Variants in S100A11 observed in about 807,000 individuals in gnomAD.
The protein encoded by S100A11 is S100 calcium binding protein A11.
S100A11 carries 5 observed loss-of-function variants against 7.4 expected under a neutral mutation model. That is an observed-to-expected ratio of 0.68 (90% CI 0.35 to 1.42). The LOEUF (loss-of-function observed/expected upper bound fraction) is 1.42. Among genes scored for constraint, S100A11 ranks in the 40% most tolerant of loss-of-function variants. The pLI is 0.04. For missense variants in S100A11, 96 were observed against 125.0 expected, an observed-to-expected ratio of 0.77 and a Z score of 1.11; for synonymous variants, 47 against 46.6, an observed-to-expected ratio of 1.01 and a Z score of -0.04.
chr1:152,035,666 C>A lies in S100A11; in HGVS notation c.3+1247G>T, dbSNP rs545540949. ...GATGGGTCCTGAGGACGCCCAGAAA[C>A]CGGAAAGCTCTGCCCAGGGTGGCGC... On this transcript the variant is annotated intron_variant, in intron 1 of 2. Coordinates refer to ENST00000271638, the MANE Select transcript of S100A11 (RefSeq NM_005620.2). Among the ~76,000 whole-genome samples the A allele has an allele frequency of 1.3e-4, 20 of 152,326 alleles. No individual in the cohort carries two copies. In the South Asian group the frequency reaches 4.1e-3, roughly 32 times the overall value.
intron 1 of S100A11, among the ~76,000 whole-genome samples, chr1:152,034,387 C>A (rs915225732): frequency 4.6e-5 from 7 of 152,192 alleles, no homozygotes; most frequent in African/African-American, 1.7e-4. Flanking sequence ...AACCATTAAT[C>A]TTAGATGTGA....
chr1:152,033,992 A>G lies in S100A11; in HGVS notation c.4-192T>C, dbSNP rs1326803873. 6.6e-6 allele frequency among the ~76,000 whole-genome samples: 1 copy of G among 152,252 alleles called. No individual in the cohort carries two copies. Among genetic ancestry groups the G allele is most frequent in the African/African-American group, 2.4e-5 (1 of 41,468 alleles). On this transcript the variant is annotated intron_variant, in intron 1 of 2. Coordinates refer to ENST00000271638, the MANE Select transcript of S100A11 (RefSeq NM_005620.2). The surrounding 1 kb of genome is among the most constrained non-coding windows in gnomAD (Gnocchi z 4.0). ...GTGACCTTCCGTCCTACCCCTCGCCACATGTTTATTCCAGGTGAAATATAT... is the reference window on the plus strand; with the variant it reads ...GTGACCTTCCGTCCTACCCCTCGCCGCATGTTTATTCCAGGTGAAATATAT...
chr1:152,036,886 A>G, intron 1 of S100A11, 27 bp downstream of exon 1: 1 of 1,589,144 alleles, frequency 6.3e-7, no homozygotes, highest in African/African-American at 1.3e-5. Flanking sequence ...TTCATGTAAG[A>G]AGAAGAAGAA....
At chr1:152,036,801 C>G in intron 1 of S100A11, 112 bp downstream of exon 1, 1 of 961,020 alleles carries the variant, frequency 1.0e-6, no homozygotes, top group Non-Finnish European at 1.6e-6. Context: ...CCTGCTGTTT[C>G]CTGCCACGTC....
At chr1:152,036,061 AG>A (rs1352225134) in intron 1 of S100A11, among the ~76,000 whole-genome samples, 4 of 152,206 alleles carry the variant, frequency 2.6e-5, no homozygotes, top group Non-Finnish European at 4.4e-5. Flanking sequence ...CATGTCAGAA[AG>A]TATTTTTCTT....
At chr1:152,035,798 A>G (rs1215596414) in intron 1 of S100A11, among the ~76,000 whole-genome samples, 1 of 152,222 alleles carries the variant, frequency 6.6e-6, no homozygotes, top group African/African-American at 2.4e-5. Context: ...TGATAAACGG[A>G]TACTGTGAAA....
At position 152,033,808 on chromosome 1, in the gene S100A11, GA is replaced by G. The variant is rs751852653; in HGVS notation, c.4-9del. ...AGGGCTGGAGATTTTTGCCTTTGGA[GA>G]AAAAAAATTGCAGGGCTCAGACAAG... On this transcript the variant is annotated splice_polypyrimidine_tract_variant and intron_variant, in intron 1 of 2. Coordinates refer to ENST00000271638, the MANE Select transcript of S100A11 (RefSeq NM_005620.2). This position sits in a 1 kb window ranked among gnomAD's most constrained non-coding sequence, Gnocchi z 4.0. The G allele has an allele frequency of 4.3e-6, 7 of 1,612,156 alleles. No individual in the cohort carries two copies. Among genetic ancestry groups the G allele is most frequent in the South Asian group, 2.2e-5 (2 of 90,950 alleles).
At chr1:152,035,814 T>C (rs980267435) in intron 1 of S100A11, among the ~76,000 whole-genome samples, 1 of 152,192 alleles carries the variant, frequency 6.6e-6, no homozygotes, top group African/African-American at 2.4e-5. Context: ...TGAAATAATT[T>C]TTAAAAATGC....
intron 1 of S100A11, among the ~76,000 whole-genome samples, chr1:152,035,352 A>G (rs1656811167): frequency 6.6e-6 from 1 of 152,192 alleles, no homozygotes; most frequent in Non-Finnish European, 1.5e-5. Flanking sequence ...CTCTGGAACT[A>G]CAGATTCTCC....
chr1:152,032,913 A>T, intron 2 of S100A11, 90 bp from the exon 3 acceptor site: 1 of 1,033,324 alleles, frequency 9.7e-7, no homozygotes, highest in South Asian at 1.4e-5. Context: ...CAGGAGTATA[A>T]GGTACAGGAT....
intron 1 of S100A11, among the ~76,000 whole-genome samples, chr1:152,036,220 AAATATGAG>A (rs1656827455): frequency 6.6e-6 from 1 of 152,196 alleles, no homozygotes; most frequent in Admixed American, 6.5e-5. Context: ...GAATTATGGA[AAATATGAG>A]TTCAACTGGG....
At chr1:152,036,414 G>T (rs979599114) in intron 1 of S100A11, among the ~76,000 whole-genome samples, 12 of 152,186 alleles carry the variant, frequency 7.9e-5, no homozygotes, top group Non-Finnish European at 1.5e-4. Context: ...TTGGGTCTTG[G>T]CCGTCTGCCG....
intron 2 of S100A11, among the ~76,000 whole-genome samples, 155 bp from the exon 3 acceptor site, chr1:152,032,978 A>T (rs940006329): frequency 6.6e-6 from 1 of 152,252 alleles, no homozygotes; most frequent in Non-Finnish European, 1.5e-5. Flanking sequence ...AAAGAGGTGA[A>T]GTGACCTGCC....
Position 152,032,584 on chromosome 1 carries a change from G to T in S100A11, c.*78C>A. ...CATGAGGTGGTTAGTGTGCTCAGGG[G>T]ATGGGTGGGCTGTGGAGATGATGAC... On this transcript the variant is annotated 3_prime_UTR_variant, in exon 3 of 3. Transcript: ENST00000271638. 2 of 1,356,398 alleles carry T rather than the reference G, an allele frequency of 1.5e-6. No individual in the cohort carries two copies. Among genetic ancestry groups the T allele is most frequent in the Non-Finnish European group, 2.1e-6 (2 of 971,754 alleles). The allele number at this position is 1,356,398 out of a possible 1,614,324, so 84.0% of individuals were successfully genotyped here.
In S100A11 at chr1:152,033,528, G is replaced by T; in HGVS notation, c.156+120C>A. The stretch of plus-strand genomic sequence containing the variant: ...TGGAAAAACTCCTGGCTTAGAGTGA[G>T]TTAAAATGAAGCAAGAGTGTGGGGT... On this transcript the variant is annotated intron_variant, in intron 2 of 2. Coordinates refer to ENST00000271638, the MANE Select transcript of S100A11 (RefSeq NM_005620.2). The surrounding 1 kb of genome is among the most constrained non-coding windows in gnomAD (Gnocchi z 4.0). 1.1e-6 allele frequency: 1 copy of T among 903,568 alleles called. No homozygotes were observed. The highest frequency in any genetic ancestry group is 1.8e-6 in the Non-Finnish European group (1 of 566,266). 56.0% of individuals were successfully genotyped at this position (903,568 alleles called of 1,614,324 possible).
Position 152,033,600 on chromosome 1 carries a change from T to C in S100A11, c.156+48A>G. ...CCTGGCCATTCTGCCAGGGTCTTGTTTCATGTTGTGGGTAGTTTGGGGAAG... is the reference window on the plus strand; with the variant it reads ...CCTGGCCATTCTGCCAGGGTCTTGTCTCATGTTGTGGGTAGTTTGGGGAAG... On this transcript the variant is annotated intron_variant, in intron 2 of 2. Coordinates refer to ENST00000271638, the MANE Select transcript of S100A11 (RefSeq NM_005620.2). This position sits in a 1 kb window ranked among gnomAD's most constrained non-coding sequence, Gnocchi z 4.0. 2 of 1,587,978 alleles carry C rather than the reference T, an allele frequency of 1.3e-6. No homozygotes were observed. The highest frequency in any genetic ancestry group is 2.2e-5 in the East Asian group (1 of 44,590).
At chr1:152,036,298 G>A (rs993979668) in intron 1 of S100A11, among the ~76,000 whole-genome samples, 3 of 152,120 alleles carry the variant, frequency 2.0e-5, no homozygotes, top group Admixed American at 1.3e-4. Context: ...AATAGATGGT[G>A]GGGTAAAAGG....
intron 1 of S100A11, among the ~76,000 whole-genome samples, chr1:152,036,357 C>A (rs1447255944): frequency 6.6e-6 from 1 of 152,194 alleles, no homozygotes; most frequent in Admixed American, 6.5e-5. Context: ...CTCCCACATT[C>A]TTGGCCGCGG....
In S100A11 at chr1:152,036,900, A is replaced by G; in HGVS notation, c.3+13T>C. 1.2e-6 allele frequency: 2 copies of G among 1,609,794 alleles called. No individual in the cohort carries two copies. Among genetic ancestry groups the G allele is most frequent in the Non-Finnish European group, 8.5e-7 (1 of 1,176,320 alleles). ...TTTCATGTAAGAAGAAGAAGAAGAA[A>G]AGTGAGGCTTACCATGTTGGAGCTG... On this transcript the variant is annotated intron_variant, in intron 1 of 2. Coordinates refer to ENST00000271638, the MANE Select transcript of S100A11 (RefSeq NM_005620.2).
Sources: gnomAD v4.1 joint callset for allele counts (sites outside exome capture counted in the v4.1 genomes callset) on GRCh38, gnomAD v4.1.1 for gene constraint, Gnocchi (gnomAD v3.1) non-coding constraint, MANE v1.5 for transcripts, NCBI Gene and HGNC (gene_info 2026-07-23, HGNC 2026-07-21) for gene names.